The following CEP44 variants were observed in gnomAD, a reference collection of about 807,000 sequenced individuals.
The protein encoded by CEP44 is centrosomal protein 44.
In CEP44, 45 loss-of-function variants were observed where a neutral mutation model predicts 46.7. That is an observed-to-expected ratio of 0.96 (90% CI 0.76 to 1.24). The LOEUF is 1.24. Among genes scored for constraint, CEP44 ranks in the 50% most tolerant of loss-of-function variants. The probability of loss-of-function intolerance (pLI) is 0.00; values close to 1 mark genes in which losing one functional copy is unlikely to be tolerated. For synonymous variants in CEP44, 142 were observed against 146.0 expected, an observed-to-expected ratio of 0.97 and a Z score of 0.20; for missense variants, 475 against 459.7, an observed-to-expected ratio of 1.03 and a Z score of -0.30.
In CEP44 at chr4:174,307,058, A is replaced by G. The variant is rs376374915; in HGVS notation, c.508-1631A>G. ...CTGCCCAAAGCAATTTATAGATTCA[A>G]TGCTACTCCCATTAAACTACCATTG... On this transcript the variant is annotated intron_variant, in intron 6 of 11. Transcript: ENST00000503780. Among the ~76,000 whole-genome samples, 21 of 152,320 alleles carry G rather than the reference A, an allele frequency of 1.4e-4. No homozygotes were observed. The East Asian group carries it at 2.7e-3, about 20-fold the overall frequency.
At chr4:174,292,166 A>G (rs890066570) in intron 1 of CEP44, among the ~76,000 whole-genome samples, 2 of 152,048 alleles carry the variant, frequency 1.3e-5, no homozygotes, top group African/African-American at 2.4e-5. Flanking sequence ...TACTTTCAGT[A>G]TGTTGAATAT....
At position 174,286,954 on chromosome 4, in the gene CEP44, T is replaced by TA. The variant is rs1315763229; in HGVS notation, c.-148+3016dup. On this transcript the variant is annotated intron_variant, in intron 1 of 11. Coordinates refer to ENST00000503780, the MANE Select transcript of CEP44 (RefSeq NM_001040157.3). The surrounding 1 kb of genome is among the most constrained non-coding windows in gnomAD (Gnocchi z 5.2). ...ATAATTGTACCATTTACTCTTTCTG[T>TA]AAAAAGCATAGATATTTTGAATTTC... Among the ~76,000 whole-genome samples, 8 of 152,198 alleles carry TA rather than the reference T, an allele frequency of 5.3e-5. No individual in the cohort carries two copies. The highest frequency in any genetic ancestry group is 1.9e-4 in the African/African-American group (8 of 41,442).
In CEP44 at chr4:174,309,973, A is replaced by T. The variant is rs1335423638; in HGVS notation, c.802A>T (p.Lys268Ter). 1 of 1,612,808 alleles carries T rather than the reference A, an allele frequency of 6.2e-7. No homozygotes were observed. Among genetic ancestry groups the T allele is most frequent in the East Asian group, 2.2e-5 (1 of 44,770 alleles). The change falls in exon 8 of 12, where the codon AAA (lysine) becomes TAA (stop). Residue 268 changes from lysine to a stop codon, truncating the protein, a stop_gained. Coordinates refer to ENST00000503780, the MANE Select transcript of CEP44 (RefSeq NM_001040157.3). LOFTEE classifies it high-confidence loss of function. This position sits in a 1 kb window ranked among gnomAD's most constrained non-coding sequence, Gnocchi z 5.3. ...CTGTTTGGAACAAAAAATGAAAGGA[A>T]AAGTGATGGTAGATGAAAACACCTG... ...LDCLEQKMKG[K>*]VMVDENTWTN...
chr4:174,294,974 T>C (rs866607362), intron 1 of CEP44, among the ~76,000 whole-genome samples: 127 of 108,302 alleles, frequency 1.2e-3, no homozygotes, highest in African/African-American at 4.2e-3. Context: ...GCTGGCCGGG[T>C]GGGGGGCTGA....
downstream of CEP44, among the ~76,000 whole-genome samples, chr4:174,320,631 G>T: frequency 9.4e-6 from 1 of 106,200 alleles, no homozygotes; most frequent in Non-Finnish European, 2.1e-5. Context: ...ACAAAGGCTT[G>T]AAAGGAAGAG....
At chr4:174,324,052 T>C (rs942640858), downstream of CEP44, among the ~76,000 whole-genome samples, 1 of 152,174 alleles carries the variant, frequency 6.6e-6, no homozygotes, top group Non-Finnish European at 1.5e-5. Flanking sequence ...TAGGCCTAAT[T>C]AGGTTAGCCC....
In CEP44 at chr4:174,309,114, G is replaced by A. The variant is rs1740781884; in HGVS notation, c.678+255G>A. Among the ~76,000 whole-genome samples the A allele has an allele frequency of 1.3e-5, 2 of 152,090 alleles. 1 individual carries two copies. The highest frequency in any genetic ancestry group is 4.1e-4 in the South Asian group (2 of 4,828). On this transcript the variant is annotated intron_variant, in intron 7 of 11. Coordinates refer to ENST00000503780, the MANE Select transcript of CEP44 (RefSeq NM_001040157.3). The surrounding 1 kb of genome is among the most constrained non-coding windows in gnomAD (Gnocchi z 5.3). ...AATAAGATATGGTACTTGGCTTTAA[G>A]GAATCTACAATTTAGTGAGACATAG...
chr4:174,292,960 T>C (rs1738407421), intron 1 of CEP44, among the ~76,000 whole-genome samples: 1 of 152,208 alleles, frequency 6.6e-6, no homozygotes, highest in African/African-American at 2.4e-5. Flanking sequence ...GAGTCTTTCA[T>C]TGGTGTCTGT....
In CEP44 at chr4:174,309,976, G is replaced by A. The variant is rs1344418216; in HGVS notation, c.805G>A (p.Val269Met). 1.9e-6 allele frequency: 3 copies of A among 1,612,900 alleles called. No individual in the cohort carries two copies. In the South Asian group the frequency reaches 3.3e-5, roughly 18 times the overall value. The change falls in exon 8 of 12, where the codon GTG becomes ATG. Residue 269 changes from valine to methionine, a missense_variant. By Grantham distance (21) the Val-to-Met change is conservative. Coordinates refer to ENST00000503780, the MANE Select transcript of CEP44 (RefSeq NM_001040157.3). This position sits in a 1 kb window ranked among gnomAD's most constrained non-coding sequence, Gnocchi z 5.3. ...DCLEQKMKGK[V>M]MVDENTWTNL... is the part of the protein sequence containing the mutation. ...TTTGGAACAAAAAATGAAAGGAAAAGTGATGGTAGATGAAAACACCTGGAC... is the reference window on the plus strand; with the variant it reads ...TTTGGAACAAAAAATGAAAGGAAAAATGATGGTAGATGAAAACACCTGGAC...
In CEP44 at chr4:174,309,144, A is replaced by G. The variant is rs1199314846; in HGVS notation, c.678+285A>G. Among the ~76,000 whole-genome samples the G allele has an allele frequency of 6.6e-6, 1 of 152,152 alleles. No homozygotes were observed. Among genetic ancestry groups the G allele is most frequent in the Non-Finnish European group, 1.5e-5 (1 of 67,990 alleles). ...CTACAATTTAGTGAGACATAGCGAT[A>G]TGCTACTTTGCATAGTGGAGGTTCT... On this transcript the variant is annotated intron_variant, in intron 7 of 11. Transcript: ENST00000503780. This position sits in a 1 kb window ranked among gnomAD's most constrained non-coding sequence, Gnocchi z 5.3.
At chr4:174,308,938 G>A in intron 7 of CEP44, 79 bp downstream of exon 7, 1 of 1,230,314 alleles carries the variant, frequency 8.1e-7, no homozygotes, top group Non-Finnish European at 1.2e-6. Context: ...TCTAAACTTT[G>A]GAATATTTCT....
chr4:174,317,714 G>T lies in CEP44; in HGVS notation c.*331G>T, dbSNP rs192717782. 3 of 994,210 alleles carry T rather than the reference G, an allele frequency of 3.0e-6. No homozygotes were observed. Among genetic ancestry groups the T allele is most frequent in the East Asian group, 2.1e-4 (2 of 9,478 alleles). 61.6% of individuals were successfully genotyped at this position (994,210 alleles called of 1,614,324 possible). On this transcript the variant is annotated 3_prime_UTR_variant, in exon 12 of 12. Transcript: ENST00000503780. ...CTAAGTAATGTTTTTTAAAGCACAG[G>T]CTTGAGGACTATGGTTTACATCCTG...
In CEP44 at chr4:174,288,461, A is replaced by G. The variant is rs1737802504; in HGVS notation, c.-148+4518A>G. On this transcript the variant is annotated intron_variant, in intron 1 of 11. Coordinates refer to ENST00000503780, the MANE Select transcript of CEP44 (RefSeq NM_001040157.3). The surrounding 1 kb of genome is among the most constrained non-coding windows in gnomAD (Gnocchi z 4.6). ...CTCCCCATGTTCCCTTACAACCACCATTCTATTCTCTGCTTGCATGTATTT... is the reference window on the plus strand; with the variant it reads ...CTCCCCATGTTCCCTTACAACCACCGTTCTATTCTCTGCTTGCATGTATTT... Among the ~76,000 whole-genome samples the G allele has an allele frequency of 6.6e-6, 1 of 152,068 alleles. No homozygotes were observed.
In CEP44 at chr4:174,316,104, T is replaced by G. The variant is rs985838593; in HGVS notation, c.962-62T>G. On this transcript the variant is annotated intron_variant, in intron 9 of 11. Transcript: ENST00000503780. ...GTTTTTCTTCCATCTGTAAATAATA[T>G]TTTTAGATATTTGACTCTTCTGTGA... 7 of 1,566,000 alleles carry G rather than the reference T, an allele frequency of 4.5e-6. No individual in the cohort carries two copies. The East Asian group carries it at 1.6e-4, about 35-fold the overall frequency.
At chr4:174,303,305 C>A (rs557072769) in intron 4 of CEP44, among the ~76,000 whole-genome samples, 30 of 151,868 alleles carry the variant, frequency 2.0e-4, no homozygotes, top group African/African-American at 6.8e-4. Flanking sequence ...GACCAAAAGG[C>A]CTACTGACGT....
chr4:174,302,118 C>T lies in CEP44; in HGVS notation c.169C>T (p.Leu57Phe). The change falls in exon 4 of 12, where the codon CTT becomes TTT. Residue 57 changes from leucine to phenylalanine, a missense_variant. Leu to Phe is a conservative substitution (Grantham distance 22). Coordinates refer to ENST00000503780, the MANE Select transcript of CEP44 (RefSeq NM_001040157.3). ...FTSYSPYVTE[L>F]IMESNVELIA... is the part of the protein sequence containing the mutation. ...CTCATACTCACCTTATGTAACAGAA[C>T]TTATAATGGAATCCAATGTAGAGCT... 6.2e-7 allele frequency: 1 copy of T among 1,611,636 alleles called. No individual in the cohort carries two copies. Among genetic ancestry groups the T allele is most frequent in the Non-Finnish European group, 8.5e-7 (1 of 1,178,772 alleles).
At chr4:174,300,341 A>T (rs1328883516) in intron 3 of CEP44, among the ~76,000 whole-genome samples, 1 of 151,932 alleles carries the variant, frequency 6.6e-6, no homozygotes, top group African/African-American at 2.4e-5. Flanking sequence ...TATGAAACAG[A>T]TGTAATCCAT....
At chr4:174,328,010 G>A (rs1366805389) in intron 8 of CEP44, among the ~76,000 whole-genome samples, 1 of 152,120 alleles carries the variant, frequency 6.6e-6, no homozygotes, top group Non-Finnish European at 1.5e-5. Flanking sequence ...CAAACCATAA[G>A]AGAAAAAATA....
rs1741057446 is a variant in CEP44, at chr4:174,311,353, G to C, written c.961+495G>C. Among the ~76,000 whole-genome samples, 2 of 151,986 alleles carry C rather than the reference G, an allele frequency of 1.3e-5. No individual in the cohort carries two copies. The highest frequency in any genetic ancestry group is 2.9e-5 in the Non-Finnish European group (2 of 67,898). ...TTCCTGGTCACTTTACTAGGCTACT[G>C]ATATTTTGCTTAGTGTGACTGAGCA... On this transcript the variant is annotated intron_variant, in intron 9 of 11. Transcript: ENST00000503780. The surrounding 1 kb of genome is among the most constrained non-coding windows in gnomAD (Gnocchi z 4.4).
Sources: allele counts gnomAD v4.1 joint callset (sites outside exome capture counted in the v4.1 genomes callset), GRCh38; gene constraint gnomAD v4.1.1; non-coding constraint Gnocchi (gnomAD v3.1); transcripts MANE v1.5; gene names NCBI Gene and HGNC (gene_info 2026-07-23, HGNC 2026-07-21).